MANBA: variants seen among roughly 807,000 people sequenced by gnomAD.
The protein encoded by MANBA is mannosidase beta.
Under a neutral mutation model 111.1 loss-of-function variants are expected in MANBA, and 83 were observed. The ratio of observed to expected loss-of-function variants is 0.75; its 90% CI spans 0.63 to 0.90. MANBA has a LOEUF of 0.90. Among genes scored for constraint, MANBA ranks in the 40% least tolerant of loss-of-function variants. The probability of loss-of-function intolerance (pLI) is 0.00; values close to 1 mark genes in which losing one functional copy is unlikely to be tolerated. For synonymous variants in MANBA, 370 were observed against 378.7 expected (o/e 0.98, Z 0.27); for missense variants, 1,036 against 1,069.0 (o/e 0.97, Z 0.43).
chr4:102,723,402 C>T (rs1322858524), intron 3 of MANBA, among the ~76,000 whole-genome samples: 1 of 152,194 alleles, frequency 6.6e-6, no homozygotes, highest in African/African-American at 2.4e-5. Flanking sequence ...CTAGACACTT[C>T]ATGACAACCT....
At chr4:102,650,387 G>T in intron 13 of MANBA, 150 bp downstream of exon 13, 1 of 786,190 alleles carries the variant, frequency 1.3e-6, no homozygotes, top group Non-Finnish European at 2.1e-6. Context: ...TGTCCTATGT[G>T]TCATCATATA....
chr4:102,728,154 C>T, intron 1 of MANBA: 1 of 538,902 alleles, frequency 1.9e-6, no homozygotes, highest in Non-Finnish European at 3.8e-6. Context: ...ATGGCGTTTC[C>T]TGCTAACTTC....
chr4:102,638,281 C>T (rs1659801594), intron 14 of MANBA, among the ~76,000 whole-genome samples: 1 of 151,916 alleles, frequency 6.6e-6, no homozygotes. Flanking sequence ...CAAAAATGAG[C>T]CAGGCATGGT....
chr4:102,743,694 C>T (rs1723491802), intron 1 of MANBA, among the ~76,000 whole-genome samples: 2 of 152,324 alleles, frequency 1.3e-5, no homozygotes, highest in South Asian at 4.1e-4. Context: ...GGGAATGCTG[C>T]TGTACACAAC....
chr4:102,755,120 C>A (rs1723959557), intron 1 of MANBA, among the ~76,000 whole-genome samples: 1 of 152,146 alleles, frequency 6.6e-6, no homozygotes, highest in South Asian at 2.1e-4. Flanking sequence ...GAAAAAACTA[C>A]TTTAAAGTTC....
intron 5 of MANBA, among the ~76,000 whole-genome samples, chr4:102,691,634 C>A (rs6843612): frequency 0.039 from 5,971 of 151,702 alleles, 393 homozygotes; most frequent in African/African-American, 0.13. Flanking sequence ...GCCTTCTGAG[C>A]AGCTGGCACT....
intron 11 of MANBA, among the ~76,000 whole-genome samples, chr4:102,661,918 T>G (rs1012969743): frequency 2.6e-5 from 4 of 152,252 alleles, no homozygotes; most frequent in Non-Finnish European, 4.4e-5. Flanking sequence ...CAATTTATGG[T>G]ACTTTCCCTT....
At chr4:102,650,186 A>G (rs544943131) in intron 13 of MANBA, among the ~76,000 whole-genome samples, 6 of 152,190 alleles carry the variant, frequency 3.9e-5, no homozygotes, top group Admixed American at 6.6e-5. Flanking sequence ...AGGTGTCCAT[A>G]TTATACAGTG....
At chr4:102,684,039 C>CA (rs897239311) in intron 7 of MANBA, among the ~76,000 whole-genome samples, 10 of 151,690 alleles carry the variant, frequency 6.6e-5, no homozygotes, top group Admixed American at 6.6e-5. Flanking sequence ...GGGCTGCATT[C>CA]AAAATCTGTA....
chr4:102,731,813 T>C (rs1411552790), intron 1 of MANBA, among the ~76,000 whole-genome samples: 1 of 151,976 alleles, frequency 6.6e-6, no homozygotes, highest in East Asian at 1.9e-4. Context: ...GCCTCCTAGA[T>C]GTTCATAGAT....
chr4:102,720,966 C>G (rs999218985), intron 4 of MANBA, among the ~76,000 whole-genome samples: 11 of 152,160 alleles, frequency 7.2e-5, no homozygotes, highest in African/African-American at 2.2e-4. Context: ...GCTAATGTAA[C>G]AGTTCTACCT....
Position 102,634,858 on chromosome 4 carries a change from A to G in MANBA, c.2345T>C (p.Leu782Pro). The change falls in exon 16 of 17, where the codon CTG becomes CCG. Residue 782 changes from leucine to proline, a missense_variant. Coordinates refer to ENST00000647097, the MANE Select transcript of MANBA (RefSeq NM_005908.4). ...SFYLSADHELLSPTNYHFLSS... is the reference protein window; with the variant it reads ...SFYLSADHELPSPTNYHFLSS... ...CAAGAAGTGGTAGTTGGTCGGGCTC[A>G]GGAGTTCATGGTCAGCTGAAAGGTA... 6.2e-7 allele frequency: 1 copy of G among 1,614,254 alleles called. No homozygotes were observed. The highest frequency in any genetic ancestry group is 8.5e-7 in the Non-Finnish European group (1 of 1,180,044).
chr4:102,747,306 G>A (rs1230498239), intron 1 of MANBA, among the ~76,000 whole-genome samples: 3 of 152,166 alleles, frequency 2.0e-5, no homozygotes, highest in African/African-American at 7.2e-5. Flanking sequence ...TTTGAGGGTA[G>A]GAAGCATCCA....
chr4:102,721,974 G>C (rs1335963319), intron 4 of MANBA, among the ~76,000 whole-genome samples: 3 of 148,218 alleles, frequency 2.0e-5, no homozygotes, highest in Non-Finnish European at 4.4e-5. Flanking sequence ...AGGCTGCGGT[G>C]AGTTGTGATC....
chr4:102,732,450 G>A lies in MANBA; in HGVS notation c.178-5767C>T, dbSNP rs78243841. ...AGTTCCACACAGGTAAGAGCCAGAT[G>A]AACACGTTAGGCTGGCAATGGCCAG... is the stretch of plus-strand genomic sequence containing the variant. On this transcript the variant is annotated intron_variant, in intron 1 of 16. Coordinates refer to ENST00000647097, the MANE Select transcript of MANBA (RefSeq NM_005908.4). Among the ~76,000 whole-genome samples the A allele has an allele frequency of 1.8e-4, 28 of 152,374 alleles. No individual in the cohort carries two copies. The East Asian group carries it at 5.4e-3, about 29-fold the overall frequency.
In MANBA at chr4:102,672,806, T is replaced by C. The variant is rs1731551909; in HGVS notation, c.1112+1113A>G. Among the ~76,000 whole-genome samples, 4 of 152,232 alleles carry C rather than the reference T, an allele frequency of 2.6e-5. No individual in the cohort carries two copies. The South Asian group carries it at 6.2e-4, about 24-fold the overall frequency. ...CTCCTTATGAGAATCTAATTCCTGA[T>C]GATCTGAGGTAGAACAGTTTCATTC... is the stretch of plus-strand genomic sequence containing the variant. On this transcript the variant is annotated intron_variant, in intron 8 of 16. Coordinates refer to ENST00000647097, the MANE Select transcript of MANBA (RefSeq NM_005908.4).
intron 5 of MANBA, among the ~76,000 whole-genome samples, chr4:102,705,328 G>A (rs887102099): frequency 2.0e-5 from 3 of 152,216 alleles, no homozygotes; most frequent in South Asian, 2.1e-4. Context: ...GCTCCTAAGC[G>A]GTTAAAGCAA....
chr4:102,734,345 A>C, intron 1 of MANBA: 1 of 1,603,750 alleles, frequency 6.2e-7, no homozygotes. Context: ...TCAGGCAGCA[A>C]GCGACTTGGG....
chr4:102,711,464 ATGC>A (rs1390101845), intron 5 of MANBA, among the ~76,000 whole-genome samples: 10 of 152,302 alleles, frequency 6.6e-5, no homozygotes, highest in African/African-American at 2.4e-4. Flanking sequence ...AAAATAATAG[ATGC>A]TGGAGAGGAT....
Sources: allele counts gnomAD v4.1 joint callset (sites outside exome capture counted in the v4.1 genomes callset), GRCh38; gene constraint gnomAD v4.1.1; transcripts MANE v1.5; gene names NCBI Gene and HGNC (gene_info 2026-07-23, HGNC 2026-07-21).